TRPM3: variants seen among roughly 807,000 people sequenced by gnomAD.
TRPM3 encodes transient receptor potential cation channel subfamily M member 3.
TRPM3 carries 77 observed loss-of-function variants against 181.2 expected under a neutral mutation model. That is an observed-to-expected ratio of 0.42 (90% CI 0.35 to 0.51). The LOEUF is 0.51. Among genes scored for constraint, TRPM3 ranks in the 20% least tolerant of loss-of-function variants. The pLI is 0.01. For synonymous variants in TRPM3, 745 were observed against 796.4 expected, an observed-to-expected ratio of 0.94 and a Z score of 1.09; for missense variants, 1,759 against 2,196.7, an observed-to-expected ratio of 0.80 and a Z score of 3.98.
At chr9:70,767,486 T>G (rs956870997) in intron 7 of TRPM3, among the ~76,000 whole-genome samples, 4 of 152,202 alleles carry the variant, frequency 2.6e-5, no homozygotes, top group African/African-American at 9.7e-5. Flanking sequence ...CAAAATTTAT[T>G]TATGTAAAAC....
chr9:71,070,100 C>T (rs1158981829), intron 1 of TRPM3, among the ~76,000 whole-genome samples: 1 of 152,226 alleles, frequency 6.6e-6, no homozygotes, highest in African/African-American at 2.4e-5. Context: ...AAACTCTCAT[C>T]ACCCCAATCA....
At chr9:70,974,136 G>A (rs759917129) in intron 1 of TRPM3, among the ~76,000 whole-genome samples, 5 of 152,136 alleles carry the variant, frequency 3.3e-5, no homozygotes, top group African/African-American at 7.2e-5. Context: ...TTTGTATAGC[G>A]TAGTAAACTT....
chr9:71,062,916 A>C (rs1039453511), intron 1 of TRPM3, among the ~76,000 whole-genome samples: 1 of 152,108 alleles, frequency 6.6e-6, no homozygotes, highest in Non-Finnish European at 1.5e-5. Flanking sequence ...CAGAACTATA[A>C]AGAAATACAT....
chr9:70,869,040 C>G, intron 1 of TRPM3: 2 of 985,198 alleles, frequency 2.0e-6, no homozygotes, highest in Non-Finnish European at 2.4e-6. Flanking sequence ...GCTCCTGTTG[C>G]TTTCATTTTG....
chr9:70,661,582 T>C (rs1426587766), intron 9 of TRPM3, among the ~76,000 whole-genome samples: 1 of 152,012 alleles, frequency 6.6e-6, no homozygotes, highest in Non-Finnish European at 1.5e-5. Context: ...ATAAACAAAT[T>C]CAGTAAAGTC....
chr9:71,297,333 C>T (rs1323909671), intron 1 of TRPM3, among the ~76,000 whole-genome samples: 2 of 152,130 alleles, frequency 1.3e-5, no homozygotes, highest in Admixed American at 6.6e-5. Flanking sequence ...GATGTAAGTG[C>T]TATTATCATG....
At chr9:71,038,562 CCTT>C (rs1204452837) in intron 1 of TRPM3, among the ~76,000 whole-genome samples, 2 of 152,134 alleles carry the variant, frequency 1.3e-5, no homozygotes, top group African/African-American at 4.8e-5. Flanking sequence ...TTCCCTCTCT[CCTT>C]ATCATCTTCC....
At position 70,903,944 on chromosome 9, in the gene TRPM3, T is replaced by A. The variant is rs572932689; in HGVS notation, c.178-39433A>T. Reference sequence around the variant, plus strand: ...ATAATTTTTCTTTTGCTGATTTTTTTAAAATAAAAAAAAAAATACTGTAAT... The same window carrying A: ...ATAATTTTTCTTTTGCTGATTTTTTAAAAATAAAAAAAAAAATACTGTAAT... On this transcript the variant is annotated intron_variant, in intron 1 of 25. Transcript: ENST00000677713. 5.6e-3 allele frequency among the ~76,000 whole-genome samples: 857 copies of A among 151,716 alleles called. 2 individuals carry two copies. Among genetic ancestry groups the A allele is most frequent in the Middle Eastern group, 0.01 (3 of 294 alleles).
At chr9:71,288,896 A>G (rs558434991) in intron 1 of TRPM3, among the ~76,000 whole-genome samples, 11 of 152,260 alleles carry the variant, frequency 7.2e-5, no homozygotes, top group Non-Finnish European at 1.2e-4. Context: ...TGGGGCATGC[A>G]TATCTCCTTG....
intron 1 of TRPM3, among the ~76,000 whole-genome samples, chr9:71,052,684 C>T (rs1049261106): frequency 2.0e-4 from 31 of 152,100 alleles, no homozygotes; most frequent in Non-Finnish European, 1.5e-5. Context: ...AAAAACCCTA[C>T]ATCTCTAGGT....
chr9:71,201,659 A>G (rs956926899), intron 1 of TRPM3, among the ~76,000 whole-genome samples: 7 of 152,074 alleles, frequency 4.6e-5, no homozygotes, highest in Non-Finnish European at 8.8e-5. Context: ...CTTCCAGTTG[A>G]TCGCATCGGC....
chr9:70,998,031 C>T (rs2134197714), intron 1 of TRPM3, among the ~76,000 whole-genome samples: 1 of 151,674 alleles, frequency 6.6e-6, no homozygotes, highest in Non-Finnish European at 1.5e-5. Context: ...AAGACTGTTC[C>T]GATTGTTCTC....
intron 1 of TRPM3, among the ~76,000 whole-genome samples, chr9:71,084,145 T>G (rs2064880128): frequency 6.6e-6 from 1 of 152,034 alleles, no homozygotes. Context: ...AGGTACTTCC[T>G]GAATATTTCC....
chr9:70,578,057 C>T (rs1397060455), intron 22 of TRPM3, among the ~76,000 whole-genome samples: 1 of 152,150 alleles, frequency 6.6e-6, no homozygotes, highest in Non-Finnish European at 1.5e-5. Context: ...GTAAAGCTAG[C>T]CCATCAACTC....
intron 1 of TRPM3, among the ~76,000 whole-genome samples, chr9:70,873,313 A>G (rs900372126): frequency 6.6e-6 from 1 of 151,936 alleles, no homozygotes; most frequent in Non-Finnish European, 1.5e-5. Flanking sequence ...CTGCCTCCAG[A>G]GAACACTGCC....
chr9:70,837,964 G>T (rs1017873341), intron 5 of TRPM3, among the ~76,000 whole-genome samples: 2 of 152,064 alleles, frequency 1.3e-5, no homozygotes, highest in African/African-American at 2.4e-5. Context: ...CTGTAAAGGG[G>T]GTATAATACA....
chr9:71,391,140 C>CA (rs35766444), intron 1 of TRPM3, among the ~76,000 whole-genome samples: 3,787 of 151,702 alleles, frequency 0.025, 98 homozygotes, highest in African/African-American at 0.064. Context: ...GCTGCCTGAA[C>CA]AAAAAAAGGA....
rs62543229 is a variant in TRPM3, at chr9:70,530,145, C to G, written c.*5808G>C. On this transcript the variant is annotated 3_prime_UTR_variant, in exon 26 of 26. Coordinates refer to ENST00000677713, the MANE Select transcript of TRPM3 (RefSeq NM_001366145.2). ...GAGGAGGCTAAGTTGGTGGGAAGAT[C>G]AGGCCTGGGACAAAGTCTAAATGTT... The G allele has an allele frequency of 1.4e-3, 211 of 152,370 alleles. No homozygotes were observed. The highest frequency in any genetic ancestry group is 2.5e-3 in the Non-Finnish European group (172 of 68,082). The allele number at this position is 152,370 out of a possible 1,614,324, so 9.4% of individuals were successfully genotyped here.
At chr9:71,372,511 G>A (rs1565508680) in intron 1 of TRPM3, among the ~76,000 whole-genome samples, 1 of 152,032 alleles carries the variant, frequency 6.6e-6, no homozygotes, top group Non-Finnish European at 1.5e-5. Context: ...GCTTTTGGTT[G>A]TTGTTGTTGT....
Sources: allele counts gnomAD v4.1 joint callset (sites outside exome capture counted in the v4.1 genomes callset), GRCh38; gene constraint gnomAD v4.1.1; transcripts MANE v1.5; gene names NCBI Gene and HGNC (gene_info 2026-07-23, HGNC 2026-07-21).